ATP10B: variants seen among roughly 807,000 people sequenced by gnomAD.
ATP10B encodes the protein phospholipid-transporting ATPase VB.
In ATP10B, 122 loss-of-function variants were observed where a neutral mutation model predicts 141.2. That is an observed-to-expected ratio of 0.86 (90% confidence interval 0.75 to 1.00). The LOEUF (loss-of-function observed/expected upper bound fraction) is 1.00, where lower values mean the gene tolerates loss of function less well. Among genes scored for constraint, ATP10B ranks in the 50% least tolerant of loss-of-function variants. The pLI, the probability that ATP10B is intolerant of heterozygous loss-of-function variation, is 0.00. For missense variants in ATP10B, 1,876 were observed against 1,825.3 expected, an observed-to-expected ratio of 1.03 and a Z score of -0.51; for synonymous variants, 685 against 692.0, an observed-to-expected ratio of 0.99 and a Z score of 0.16.
chr5:160,651,622 C>G (rs566708955), intron 7 of ATP10B, among the ~76,000 whole-genome samples: 1 of 152,078 alleles, frequency 6.6e-6, no homozygotes, highest in Admixed American at 6.6e-5. Flanking sequence ...TAGCAAAGGG[C>G]GTGAGTTTAT....
chr5:160,699,519 G>T (rs1014756874), intron 3 of ATP10B, among the ~76,000 whole-genome samples: 1 of 152,126 alleles, frequency 6.6e-6, no homozygotes, highest in Non-Finnish European at 1.5e-5. Flanking sequence ...AGTACACCCC[G>T]GAAGAACTGA....
chr5:160,866,279 G>A, the ATP10B span, among the ~76,000 whole-genome samples: 2 of 152,112 alleles, frequency 1.3e-5, no homozygotes, highest in African/African-American at 4.8e-5. Flanking sequence ...TGGAGCTGGA[G>A]GCCATTATCC....
chr5:160,609,032 C>T (rs1175515020), intron 18 of ATP10B, among the ~76,000 whole-genome samples: 1 of 152,088 alleles, frequency 6.6e-6, no homozygotes, highest in African/African-American at 2.4e-5. Context: ...ATAGCATTGT[C>T]TAGGTTTTCT....
At chr5:160,582,704 T>C (rs1452837528) in intron 24 of ATP10B, among the ~76,000 whole-genome samples, 1 of 152,218 alleles carries the variant, frequency 6.6e-6, no homozygotes, top group Non-Finnish European at 1.5e-5. Flanking sequence ...TCCCCATCAC[T>C]TTCAGGTACA....
At chr5:160,737,209 T>C (rs1404433073) in intron 2 of ATP10B, among the ~76,000 whole-genome samples, 1 of 152,150 alleles carries the variant, frequency 6.6e-6, no homozygotes, top group Non-Finnish European at 1.5e-5. Flanking sequence ...TCAACATCCA[T>C]TTATGACAAA....
intron 25 of ATP10B, among the ~76,000 whole-genome samples, chr5:160,568,299 G>T (rs1041450204): frequency 3.3e-5 from 5 of 149,896 alleles, no homozygotes; most frequent in Admixed American, 3.3e-4. Context: ...GATAGTGATT[G>T]CTTTTTATGG....
At chr5:160,919,210 C>T in the ATP10B span, among the ~76,000 whole-genome samples, 24 of 64,154 alleles carry the variant, frequency 3.7e-4, no homozygotes, top group African/African-American at 1.2e-3. Context: ...GGCGACAGAG[C>T]GAAACTCCGT....
chr5:160,739,005 G>A (rs956516880), intron 2 of ATP10B, among the ~76,000 whole-genome samples: 1 of 152,116 alleles, frequency 6.6e-6, no homozygotes, highest in African/African-American at 2.4e-5. Context: ...CTAGTAGGAT[G>A]TATTCCAGGA....
intron 1 of ATP10B, among the ~76,000 whole-genome samples, chr5:160,842,124 C>T (rs1382286098): frequency 6.6e-6 from 1 of 152,138 alleles, no homozygotes; most frequent in Non-Finnish European, 1.5e-5. Context: ...AAATGATAGA[C>T]ATGTTTTCAG....
intron 21 of ATP10B, 123 bp from the exon 22 acceptor site, chr5:160,599,093 G>T: frequency 1.3e-6 from 1 of 749,512 alleles, no homozygotes; most frequent in Non-Finnish European, 2.2e-6. Context: ...ACAGGGTTAT[G>T]TAAGGATGAG....
intron 1 of ATP10B, among the ~76,000 whole-genome samples, chr5:160,789,477 G>A (rs1220324503): frequency 6.6e-6 from 1 of 152,132 alleles, no homozygotes; most frequent in African/African-American, 2.4e-5. Flanking sequence ...ATAGTAAGTA[G>A]TGTATCTAAA....
chr5:160,725,078 C>T (rs1057417753), intron 2 of ATP10B, among the ~76,000 whole-genome samples: 6 of 151,944 alleles, frequency 3.9e-5, no homozygotes, highest in East Asian at 3.8e-4. Flanking sequence ...TAATGAATTA[C>T]GGAAGAAGAC....
At chr5:160,667,819 T>G (rs1762412946) in intron 7 of ATP10B, among the ~76,000 whole-genome samples, 1 of 152,124 alleles carries the variant, frequency 6.6e-6, no homozygotes, top group Admixed American at 6.5e-5. Context: ...CTGGTTGAAC[T>G]GAAACAACAC....
intron 1 of ATP10B, among the ~76,000 whole-genome samples, chr5:160,796,880 A>T (rs1771985240): frequency 6.6e-6 from 1 of 152,218 alleles, no homozygotes; most frequent in African/African-American, 2.4e-5. Context: ...TGTCTGTTAG[A>T]GAAACAAATT....
At chr5:160,622,302 C>T in intron 14 of ATP10B, 92 bp downstream of exon 14, 1 of 1,329,366 alleles carries the variant, frequency 7.5e-7, no homozygotes, top group Non-Finnish European at 1.0e-6. Flanking sequence ...AATTTCATGT[C>T]TCCCTGATCA....
chr5:160,656,688 T>C (rs964372831), intron 7 of ATP10B, among the ~76,000 whole-genome samples: 2 of 152,078 alleles, frequency 1.3e-5, no homozygotes, highest in African/African-American at 4.8e-5. Context: ...CTTTTTTTTA[T>C]AGTCACAAAG....
intron 1 of ATP10B, among the ~76,000 whole-genome samples, chr5:160,850,541 C>T (rs528920479): frequency 1.3e-5 from 2 of 152,304 alleles, no homozygotes; most frequent in Admixed American, 1.3e-4. Flanking sequence ...CTAGTTTTAT[C>T]ATCTGTAAAC....
At chr5:160,821,956 G>A (rs533435441) in intron 1 of ATP10B, among the ~76,000 whole-genome samples, 2 of 152,198 alleles carry the variant, frequency 1.3e-5, no homozygotes, top group South Asian at 4.1e-4. Flanking sequence ...ACTGGGCAAA[G>A]GTTTCTTGAA....
At chr5:160,600,865 C>T (rs1043197174) in intron 21 of ATP10B, among the ~76,000 whole-genome samples, 19 of 152,182 alleles carry the variant, frequency 1.2e-4, no homozygotes, top group African/African-American at 4.1e-4. Flanking sequence ...AGTCATAGTT[C>T]TCCACCTTCT....
Sources: allele counts gnomAD v4.1 joint callset (sites outside exome capture counted in the v4.1 genomes callset), GRCh38; gene constraint gnomAD v4.1.1; transcripts MANE v1.5; gene names NCBI Gene and HGNC (gene_info 2026-07-23, HGNC 2026-07-21).